Variants in LRIF1 observed in about 807,000 individuals in gnomAD.
The protein encoded by LRIF1 is ligand dependent nuclear receptor interacting factor 1.
LRIF1 carries 32 observed loss-of-function variants against 52.7 expected under a neutral mutation model. The ratio of observed to expected loss-of-function variants is 0.61; its 90% CI spans 0.46 to 0.82. The LOEUF is 0.82. LRIF1 is among the 40% of genes least tolerant of loss of function. The probability of loss-of-function intolerance (pLI) is 0.00; values close to 1 mark genes in which losing one functional copy is unlikely to be tolerated. For synonymous variants in LRIF1, 323 were observed against 317.4 expected, an observed-to-expected ratio of 1.02 and a Z score of -0.19; for missense variants, 887 against 892.0, an observed-to-expected ratio of 0.99 and a Z score of 0.07.
intron 1 of LRIF1, among the ~76,000 whole-genome samples, chr1:110,954,201 C>G (rs142447854): frequency 6.6e-6 from 1 of 152,054 alleles, no homozygotes; most frequent in Non-Finnish European, 1.5e-5. Flanking sequence ...TTCTGCAGCC[C>G]GAATAACATT....
chr1:110,910,044 A>G, the LRIF1 span, among the ~76,000 whole-genome samples: 1 of 152,242 alleles, frequency 6.6e-6, no homozygotes, highest in Admixed American at 6.5e-5. Context: ...ACGCTCTTAG[A>G]GACCTACCAA....
At chr1:110,895,134 T>C in the LRIF1 span, 1 of 1,050,990 alleles carries the variant, frequency 9.5e-7, no homozygotes, top group Non-Finnish European at 1.5e-6. Context: ...AGTTCCTTTT[T>C]CTGGAAGTTT....
the LRIF1 span, among the ~76,000 whole-genome samples, chr1:110,911,554 A>G: frequency 4.6e-5 from 7 of 152,196 alleles, no homozygotes; most frequent in Non-Finnish European, 8.8e-5. Context: ...AAAAGAAAAA[A>G]GAAAACTTAA....
At chr1:110,884,979 G>T in the LRIF1 span, among the ~76,000 whole-genome samples, 7 of 152,020 alleles carry the variant, frequency 4.6e-5, no homozygotes, top group South Asian at 1.2e-3. Flanking sequence ...TAGCATATTT[G>T]TTTTTTATTT....
the LRIF1 span, among the ~76,000 whole-genome samples, chr1:110,886,848 T>G: frequency 0.32 from 16,602 of 51,672 alleles, 1,349 homozygotes; most frequent in Non-Finnish European, 0.43. Flanking sequence ...CTGTCTCCAA[T>G]ATATATATAT....
the LRIF1 span, among the ~76,000 whole-genome samples, chr1:110,927,216 A>G: frequency 6.6e-6 from 1 of 152,164 alleles, no homozygotes; most frequent in Non-Finnish European, 1.5e-5. Context: ...TTACGTTTCA[A>G]TCAGAGGAGC....
chr1:110,910,226 A>C, the LRIF1 span, among the ~76,000 whole-genome samples: 1 of 150,558 alleles, frequency 6.6e-6, no homozygotes, highest in Non-Finnish European at 1.5e-5. Flanking sequence ...CAGAATATTC[A>C]TTCTTCTCAT....
the LRIF1 span, chr1:110,936,620 A>C: frequency 6.6e-6 from 1 of 152,148 alleles, no homozygotes; most frequent in South Asian, 2.1e-4. Context: ...ATAAAAAGCA[A>C]GAAACTAAAT....
the LRIF1 span, among the ~76,000 whole-genome samples, chr1:110,893,726 C>A: frequency 1.3e-5 from 2 of 152,158 alleles, no homozygotes; most frequent in African/African-American, 2.4e-5. Flanking sequence ...AGATAGCAGA[C>A]ATGGGGTAAG....
chr1:110,913,509 A>C, the LRIF1 span, among the ~76,000 whole-genome samples: 4 of 152,248 alleles, frequency 2.6e-5, no homozygotes, highest in African/African-American at 9.6e-5. Context: ...GACACTTCTC[A>C]AAAGAAGGCA....
chr1:110,947,773 C>T lies in LRIF1; in HGVS notation c.*186G>A. 1.6e-6 allele frequency: 1 copy of T among 627,238 alleles called. No individual in the cohort carries two copies. Among genetic ancestry groups the T allele is most frequent in the Non-Finnish European group, 2.4e-6 (1 of 408,832 alleles). The allele number at this position is 627,238 out of a possible 1,614,324, so 38.9% of individuals were successfully genotyped here. A position where few individuals can be genotyped will look rare whatever the true frequency, so the allele number is the denominator to read the frequency against. On this transcript the variant is annotated 3_prime_UTR_variant, in exon 4 of 4. Coordinates refer to ENST00000369763, the MANE Select transcript of LRIF1 (RefSeq NM_018372.4). ...ATCTAAGACAAAGGTATAGATACCC[C>T]ATGTAAATTATTCACAAGTCATATG...
At chr1:110,898,379 G>GAAAAAAAA in the LRIF1 span, among the ~76,000 whole-genome samples, 3 of 115,658 alleles carry the variant, frequency 2.6e-5, no homozygotes, top group East Asian at 7.7e-4. Context: ...TCTGTCTCCA[G>GAAAAAAAA]AAAAAAAAAA....
At chr1:110,892,719 G>T in the LRIF1 span, 12 of 556,458 alleles carry the variant, frequency 2.2e-5, no homozygotes, top group Middle Eastern at 1.4e-3. Context: ...CCCACGGACA[G>T]GTGAAAGAGG....
Position 110,952,713 on chromosome 1 carries a change from T to C in LRIF1, c.171A>G (p.Pro57=), listed in dbSNP as rs1319680897. ...PIPKSSGNLI[P]LVQSSVMSDA... ...CAGACATGACTGAAGATTGAACTAG[T>C]GGTATAAGATTTCCAGAAGACTTAG... Residue 57 remains proline (P), a synonymous_variant, in exon 2 of 4, where the codon CCA becomes CCG. Transcript: ENST00000369763. 2.5e-6 allele frequency: 4 copies of C among 1,613,926 alleles called. No homozygotes were observed. Among genetic ancestry groups the C allele is most frequent in the South Asian group, 2.2e-5 (2 of 91,062 alleles).
chr1:110,911,156 T>C, the LRIF1 span, among the ~76,000 whole-genome samples: 8,448 of 151,564 alleles, frequency 0.056, 280 homozygotes, highest in East Asian at 0.14. Flanking sequence ...TAAGAAATGA[T>C]AAAGTTTATG....
the LRIF1 span, chr1:110,899,272 T>C: frequency 9.8e-7 from 1 of 1,016,456 alleles, no homozygotes; most frequent in Non-Finnish European, 1.5e-6. Context: ...AAGCCCTACA[T>C]GATCACTGCA....
At chr1:110,938,578 T>C in the LRIF1 span, 1 of 152,180 alleles carries the variant, frequency 6.6e-6, no homozygotes, top group African/African-American at 2.4e-5. Context: ...AAAAGCCATA[T>C]ATGATGGTCC....
At chr1:110,957,118 C>G (rs2101117908) in intron 1 of LRIF1, among the ~76,000 whole-genome samples, 1 of 152,104 alleles carries the variant, frequency 6.6e-6, no homozygotes, top group East Asian at 1.9e-4. Context: ...AACTATCCCA[C>G]ATTTCTTGAC....
intron 1 of LRIF1, among the ~76,000 whole-genome samples, chr1:110,958,537 C>G (rs1004923899): frequency 6.6e-6 from 1 of 152,084 alleles, no homozygotes; most frequent in African/African-American, 2.4e-5. Flanking sequence ...AAATATCCTT[C>G]CAATACCAAG....
Sources: gnomAD v4.1 joint callset for allele counts (sites outside exome capture counted in the v4.1 genomes callset) on GRCh38, gnomAD v4.1.1 for gene constraint, MANE v1.5 for transcripts, NCBI Gene and HGNC (gene_info 2026-07-23, HGNC 2026-07-21) for gene names.